The following ASAP1 variants were observed in gnomAD, a reference collection of about 807,000 sequenced individuals.
The protein encoded by ASAP1 is arf-GAP with SH3 domain, ANK repeat and PH domain-containing protein 1.
A neutral mutation model predicts 145.2 loss-of-function variants in ASAP1; 43 were observed. The observed-to-expected ratio is 0.30, with a 90% CI of 0.23 to 0.38. The LOEUF is 0.38. Among genes scored for constraint, ASAP1 ranks in the 10% least tolerant of loss-of-function variants. ASAP1 has a pLI of 1.00. For missense variants in ASAP1, 1,018 were observed against 1,355.3 expected, an observed-to-expected ratio of 0.75 and a Z score of 3.91; for synonymous variants, 546 against 515.5, an observed-to-expected ratio of 1.06 and a Z score of -0.80.
chr8:130,171,738 G>A (rs1358397516), intron 9 of ASAP1, among the ~76,000 whole-genome samples: 1 of 152,174 alleles, frequency 6.6e-6, no homozygotes, highest in East Asian at 1.9e-4. Context: ...CGGCTTCATT[G>A]AGCATGTGGG....
intron 27 of ASAP1, among the ~76,000 whole-genome samples, chr8:130,074,513 G>A (rs1305168769): frequency 1.3e-5 from 2 of 151,806 alleles, no homozygotes; most frequent in African/African-American, 4.8e-5. Flanking sequence ...GAGCAACGGG[G>A]TGGTGGTAGG....
At chr8:130,314,143 C>G (rs1244105228) in intron 3 of ASAP1, among the ~76,000 whole-genome samples, 1 of 152,210 alleles carries the variant, frequency 6.6e-6, no homozygotes, top group Non-Finnish European at 1.5e-5. Context: ...AAGGCTCTCA[C>G]TTGGGGTCAA....
chr8:130,180,349 C>T (rs1213376896), intron 8 of ASAP1, among the ~76,000 whole-genome samples: 4 of 152,144 alleles, frequency 2.6e-5, no homozygotes, highest in Non-Finnish European at 5.9e-5. Context: ...TTCGTGAAAT[C>T]GACTTTCTTA....
intron 29 of ASAP1, among the ~76,000 whole-genome samples, chr8:130,057,496 T>C (rs1267698712): frequency 6.6e-6 from 1 of 152,172 alleles, no homozygotes; most frequent in Admixed American, 6.5e-5. Flanking sequence ...TTGCCCAGGC[T>C]GGAGTGTAGT....
Position 130,218,245 on chromosome 8 carries a change from G to T in ASAP1, c.260-3544C>A, listed in dbSNP as rs1393293353. The stretch of plus-strand genomic sequence containing the variant: ...CTGATTTTGGAGACCTATGAAAAAA[G>T]AATTCAGCTGTGTGTTCATTTTACC... On this transcript the variant is annotated intron_variant, in intron 4 of 29. Coordinates refer to ENST00000518721, the MANE Select transcript of ASAP1 (RefSeq NM_018482.4). 5.3e-5 allele frequency among the ~76,000 whole-genome samples: 8 copies of T among 151,804 alleles called. No homozygotes were observed. In the East Asian group the frequency reaches 1.5e-3, roughly 29 times the overall value.
chr8:130,314,001 A>C (rs2137573826), intron 3 of ASAP1, among the ~76,000 whole-genome samples: 1 of 152,328 alleles, frequency 6.6e-6, no homozygotes, highest in East Asian at 1.9e-4. Context: ...GCAGCCCACC[A>C]ATCACTCAGT....
At chr8:130,214,987 G>A (rs549572085) in intron 4 of ASAP1, among the ~76,000 whole-genome samples, 3 of 151,636 alleles carry the variant, frequency 2.0e-5, no homozygotes, top group South Asian at 2.1e-4. Flanking sequence ...TGCACCCTCC[G>A]CCTCCCAGGA....
At chr8:130,287,180 T>C (rs983686315) in intron 3 of ASAP1, among the ~76,000 whole-genome samples, 23 of 152,206 alleles carry the variant, frequency 1.5e-4, no homozygotes, top group African/African-American at 3.9e-4. Flanking sequence ...GACTGAACTT[T>C]ACACATTTTT....
chr8:130,153,331 A>AT (rs2097650626), intron 12 of ASAP1, among the ~76,000 whole-genome samples: 1 of 77,864 alleles, frequency 1.3e-5, no homozygotes, highest in African/African-American at 5.4e-5. Context: ...ACTGCTTTTT[A>AT]AATATATATA....
At chr8:130,311,894 C>A (rs571357548) in intron 3 of ASAP1, among the ~76,000 whole-genome samples, 23 of 149,320 alleles carry the variant, frequency 1.5e-4, no homozygotes, top group Admixed American at 6.0e-4. Context: ...AAAAACAACT[C>A]AAAAAAAAAT....
At chr8:130,163,077 T>G (rs1489883088) in intron 11 of ASAP1, 1 of 167,610 alleles carries the variant, frequency 6.0e-6, no homozygotes, top group Non-Finnish European at 1.3e-5. Flanking sequence ...CAATGAGATA[T>G]CTCTCAAGCC....
intron 5 of ASAP1, among the ~76,000 whole-genome samples, chr8:130,203,134 C>G (rs1202761221): frequency 6.7e-6 from 1 of 150,112 alleles, no homozygotes; most frequent in Admixed American, 6.6e-5. Flanking sequence ...ATCACCTGGT[C>G]CAGCAAAACA....
At chr8:130,113,287 C>A (rs76407966) in intron 23 of ASAP1, among the ~76,000 whole-genome samples, 1 of 152,094 alleles carries the variant, frequency 6.6e-6, no homozygotes, top group South Asian at 2.1e-4. Flanking sequence ...TCCATTCCTC[C>A]GACATCCAGA....
At chr8:130,328,608 GTTC>G (rs1024811889) in intron 3 of ASAP1, among the ~76,000 whole-genome samples, 4 of 143,398 alleles carry the variant, frequency 2.8e-5, no homozygotes, top group South Asian at 2.2e-4. Context: ...TGGCTCAGTA[GTTC>G]TTTTTTTTTT....
intron 3 of ASAP1, among the ~76,000 whole-genome samples, chr8:130,328,177 G>T (rs531923567): frequency 1.3e-5 from 2 of 152,080 alleles, no homozygotes; most frequent in Admixed American, 1.3e-4. Context: ...CTGTGAAACT[G>T]GTACTAAATG....
At chr8:130,220,192 G>A (rs981338429) in intron 4 of ASAP1, among the ~76,000 whole-genome samples, 1 of 152,138 alleles carries the variant, frequency 6.6e-6, no homozygotes, top group African/African-American at 2.4e-5. Context: ...GACCAGAAAA[G>A]GCCACTTCAT....
chr8:130,366,875 A>C (rs1586918179), intron 2 of ASAP1, among the ~76,000 whole-genome samples: 1 of 129,696 alleles, frequency 7.7e-6, no homozygotes, highest in African/African-American at 2.8e-5. Flanking sequence ...AACAGGTACT[A>C]TGCTAGATTC....
intron 14 of ASAP1, among the ~76,000 whole-genome samples, chr8:130,135,989 G>A (rs1428659778): frequency 2.6e-5 from 4 of 152,144 alleles, no homozygotes; most frequent in Admixed American, 2.6e-4. Flanking sequence ...GTTTCAAAGG[G>A]CAAGAAAATA....
intron 18 of ASAP1, 116 bp from the exon 19 acceptor site, chr8:130,118,791 C>G (rs1019957166): frequency 1.4e-6 from 1 of 723,892 alleles, no homozygotes; most frequent in Non-Finnish European, 2.0e-6. Context: ...CTTCTTTTCA[C>G]CATTCAAATA....
Sources: gnomAD v4.1 joint callset for allele counts (sites outside exome capture counted in the v4.1 genomes callset) on GRCh38, gnomAD v4.1.1 for gene constraint, MANE v1.5 for transcripts, NCBI Gene and HGNC (gene_info 2026-07-23, HGNC 2026-07-21) for gene names.